KIRREL3: variants seen among roughly 807,000 people sequenced by gnomAD.
The protein encoded by KIRREL3 is kin of IRRE-like protein 3.
In KIRREL3, 36 loss-of-function variants were observed where a neutral mutation model predicts 89.7. The observed-to-expected ratio is 0.40, with a 90% CI of 0.31 to 0.53. The LOEUF is 0.53. Ranked by LOEUF, KIRREL3 falls within the 20% of genes least tolerant of loss-of-function variation. The pLI, the probability that KIRREL3 is intolerant of heterozygous loss-of-function variation, is 0.49. For synonymous variants in KIRREL3, 445 were observed against 441.4 expected, an observed-to-expected ratio of 1.01 and a Z score of -0.10; for missense variants, 864 against 1,056.6, an observed-to-expected ratio of 0.82 and a Z score of 2.53.
chr11:126,713,414 G>A (rs899399605), intron 1 of KIRREL3, among the ~76,000 whole-genome samples: 1 of 152,210 alleles, frequency 6.6e-6, no homozygotes, highest in Non-Finnish European at 1.5e-5. Context: ...CGCCTTTTAT[G>A]CCATTCTTAG....
chr11:126,775,206 C>A (rs1739166206), intron 1 of KIRREL3, among the ~76,000 whole-genome samples: 2 of 152,102 alleles, frequency 1.3e-5, no homozygotes, highest in Admixed American at 1.3e-4. Context: ...CCATGGGAGG[C>A]AACATGAGGA....
chr11:126,737,235 G>T (rs2134209700), intron 1 of KIRREL3, among the ~76,000 whole-genome samples: 1 of 152,174 alleles, frequency 6.6e-6, no homozygotes, highest in Middle Eastern at 3.4e-3. Context: ...GGAGTGGGGA[G>T]GAGCAGGGAT....
intron 1 of KIRREL3, among the ~76,000 whole-genome samples, chr11:126,693,913 C>T (rs1946983056): frequency 6.6e-6 from 1 of 152,208 alleles, no homozygotes; most frequent in Non-Finnish European, 1.5e-5. Context: ...CTTGCCCCTT[C>T]CCCAGATCCC....
chr11:126,865,741 G>A (rs185620020), intron 1 of KIRREL3, among the ~76,000 whole-genome samples: 3 of 152,224 alleles, frequency 2.0e-5, no homozygotes, highest in Admixed American at 1.3e-4. Context: ...AGGGACTTGG[G>A]TGGAAGAAAA....
chr11:126,705,527 C>T lies in KIRREL3; in HGVS notation c.56-142615G>A, dbSNP rs1947495274. Among the ~76,000 whole-genome samples, 1 of 152,176 alleles carries T rather than the reference C, an allele frequency of 6.6e-6. No homozygotes were observed. The highest frequency in any genetic ancestry group is 6.5e-5 in the Admixed American group (1 of 15,268). ...AAGCTTCCTGAGGCCTCACCAGAAG[C>T]TGAGAAGATACTGGAACCGTGCTTC... On this transcript the variant is annotated intron_variant, in intron 1 of 16. Coordinates refer to ENST00000525144, the MANE Select transcript of KIRREL3 (RefSeq NM_032531.4). This position sits in a 1 kb window ranked among gnomAD's most constrained non-coding sequence, Gnocchi z 4.3.
intron 1 of KIRREL3, among the ~76,000 whole-genome samples, chr11:126,878,287 T>A (rs1945365274): frequency 6.6e-6 from 1 of 152,172 alleles, no homozygotes; most frequent in Non-Finnish European, 1.5e-5. Context: ...TAAAATAGTG[T>A]GTAGTGAGAA....
intron 1 of KIRREL3, among the ~76,000 whole-genome samples, chr11:126,648,529 G>T (rs1189864866): frequency 6.6e-6 from 1 of 152,110 alleles, no homozygotes; most frequent in Non-Finnish European, 1.5e-5. Flanking sequence ...TGTTTTACCT[G>T]GCTGTAGAGT....
In KIRREL3 at chr11:126,516,166, C is replaced by T. The variant is rs973178647; in HGVS notation, c.433+5149G>A. Among the ~76,000 whole-genome samples, 1 of 152,192 alleles carries T rather than the reference C, an allele frequency of 6.6e-6. No homozygotes were observed. The highest frequency in any genetic ancestry group is 2.4e-5 in the African/African-American group (1 of 41,448). On this transcript the variant is annotated intron_variant, in intron 4 of 16. Transcript: ENST00000525144. This position sits in a 1 kb window ranked among gnomAD's most constrained non-coding sequence, Gnocchi z 4.9. ...TCTCTCAGTATTTGGGGCTTGACAT[C>T]ATTTAAAAAGATGCCCTCTTTATTT...
In KIRREL3 at chr11:126,652,358, G is replaced by C. The variant is rs563475289; in HGVS notation, c.56-89446C>G. 3.3e-5 allele frequency among the ~76,000 whole-genome samples: 5 copies of C among 152,296 alleles called. No homozygotes were observed. The South Asian group carries it at 1.0e-3, about 32-fold the overall frequency. ...GGCACAAAGAAGAACCAAGACAGGAGAGGAAGCCTGGGCCAAGCCTGCCTA... is the reference window on the plus strand; with the variant it reads ...GGCACAAAGAAGAACCAAGACAGGACAGGAAGCCTGGGCCAAGCCTGCCTA... On this transcript the variant is annotated intron_variant, in intron 1 of 16. Coordinates refer to ENST00000525144, the MANE Select transcript of KIRREL3 (RefSeq NM_032531.4). The surrounding 1 kb of genome is among the most constrained non-coding windows in gnomAD (Gnocchi z 4.9).
chr11:126,852,702 T>A (rs368771950), intron 1 of KIRREL3, among the ~76,000 whole-genome samples: 7 of 152,180 alleles, frequency 4.6e-5, no homozygotes, highest in Admixed American at 2.6e-4. Context: ...GCTGAAAACA[T>A]GTGTTGTGCT....
intron 4 of KIRREL3, among the ~76,000 whole-genome samples, chr11:126,488,651 GC>G (rs1957428761): frequency 6.6e-6 from 1 of 152,204 alleles, no homozygotes; most frequent in African/African-American, 2.4e-5. Flanking sequence ...CTGGCCTGTG[GC>G]CCAGGGAGCT....
At chr11:126,467,251 C>CA (rs574113568) in intron 5 of KIRREL3, among the ~76,000 whole-genome samples, 293 of 152,368 alleles carry the variant, frequency 1.9e-3, no homozygotes, top group African/African-American at 6.2e-3. Context: ...CACCCACCCC[C>CA]ACTGCCCCTC....
rs933923951 is a variant in KIRREL3 at position 126,796,521 on chromosome 11, C to T, written c.55+203934G>A. On this transcript the variant is annotated intron_variant, in intron 1 of 16. Coordinates refer to ENST00000525144, the MANE Select transcript of KIRREL3 (RefSeq NM_032531.4). This position sits in a 1 kb window ranked among gnomAD's most constrained non-coding sequence, Gnocchi z 5.1. ...TTTGAAAAGCCTCCAGTATCTGCTG[C>T]TGACATCTGAAATTCCCCTCCTTCC... 1.3e-5 allele frequency among the ~76,000 whole-genome samples: 2 copies of T among 152,174 alleles called. No individual in the cohort carries two copies. The highest frequency in any genetic ancestry group is 2.9e-5 in the Non-Finnish European group (2 of 68,040).
At position 126,491,093 on chromosome 11, in the gene KIRREL3, T is replaced by A. The variant is rs1455270149; in HGVS notation, c.434-17627A>T. 2.0e-5 allele frequency among the ~76,000 whole-genome samples: 3 copies of A among 152,116 alleles called. No homozygotes were observed. The highest frequency in any genetic ancestry group is 2.0e-4 in the Admixed American group (3 of 15,270). On this transcript the variant is annotated intron_variant, in intron 4 of 16. Coordinates refer to ENST00000525144, the MANE Select transcript of KIRREL3 (RefSeq NM_032531.4). The surrounding 1 kb of genome is among the most constrained non-coding windows in gnomAD (Gnocchi z 5.5). ...GAACAGAAGGGAGGGCTTCAGATAA[T>A]CCTGAAACCGGAATCCCAAAGACAA...
chr11:126,663,558 G>A (rs1473283697), intron 1 of KIRREL3, among the ~76,000 whole-genome samples: 1 of 152,146 alleles, frequency 6.6e-6, no homozygotes, highest in East Asian at 1.9e-4. Flanking sequence ...ACAGGGAGAG[G>A]GATCCACTTG....
At chr11:126,533,533 G>A (rs1410654423) in intron 2 of KIRREL3, among the ~76,000 whole-genome samples, 1 of 152,200 alleles carries the variant, frequency 6.6e-6, no homozygotes, top group Non-Finnish European at 1.5e-5. Context: ...AGTGACTGAA[G>A]CCTATGTTCA....
At position 126,627,949 on chromosome 11, in the gene KIRREL3, A is replaced by C. The variant is rs887665043; in HGVS notation, c.56-65037T>G. ...CTTCATTCTGTCTCTCCCACCACCG[A>C]GCAAGGCTCGGTCTCCTGGTTTGAG... On this transcript the variant is annotated intron_variant, in intron 1 of 16. Coordinates refer to ENST00000525144, the MANE Select transcript of KIRREL3 (RefSeq NM_032531.4). The surrounding 1 kb of genome is among the most constrained non-coding windows in gnomAD (Gnocchi z 5.0). Among the ~76,000 whole-genome samples, 2 of 152,240 alleles carry C rather than the reference A, an allele frequency of 1.3e-5. No homozygotes were observed. The highest frequency in any genetic ancestry group is 4.8e-5 in the African/African-American group (2 of 41,466).
At chr11:126,927,140 A>T (rs1947752940) in intron 1 of KIRREL3, among the ~76,000 whole-genome samples, 1 of 152,250 alleles carries the variant, frequency 6.6e-6, no homozygotes. Flanking sequence ...TTCATTGTCC[A>T]GAAGGTTCTA....
At chr11:126,451,376 G>GCGTGTGCATGTGTGAA (rs373077955) in intron 7 of KIRREL3, among the ~76,000 whole-genome samples, 1 of 148,692 alleles carries the variant, frequency 6.7e-6, no homozygotes, top group Non-Finnish European at 1.5e-5. Context: ...CTATGTGTGA[G>GCGTGTGCATGTGTGAA]CGTGTGCATG....
Sources: gnomAD v4.1 joint callset for allele counts (sites outside exome capture counted in the v4.1 genomes callset) on GRCh38, gnomAD v4.1.1 for gene constraint, Gnocchi (gnomAD v3.1) non-coding constraint, MANE v1.5 for transcripts, NCBI Gene and HGNC (gene_info 2026-07-23, HGNC 2026-07-21) for gene names.